The following CCDC7 variants were observed in gnomAD, a reference collection of about 807,000 sequenced individuals.
CCDC7 encodes coiled-coil domain containing 7, also known as coiled-coil domain-containing protein 7.
In CCDC7, 183 loss-of-function variants were observed where a neutral mutation model predicts 196.9. The ratio of observed to expected loss-of-function variants is 0.93; its 90% CI spans 0.82 to 1.05. The LOEUF is 1.05. Ranked by LOEUF, CCDC7 falls within the 50% of genes least tolerant of loss-of-function variation. CCDC7 has a pLI of 0.00. For synonymous variants in CCDC7, 525 were observed against 484.6 expected (o/e 1.08, Z -1.10); for missense variants, 1,540 against 1,482.2 (o/e 1.04, Z -0.64).
intron 9 of CCDC7, among the ~76,000 whole-genome samples, chr10:32,500,190 GC>G (rs985574905): frequency 7.3e-5 from 11 of 151,210 alleles, no homozygotes; most frequent in African/African-American, 2.4e-4. Context: ...GGGCAGAGGC[GC>G]CCCCCACCTC....
intron 28 of CCDC7, among the ~76,000 whole-genome samples, chr10:32,766,800 T>A (rs1428239277): frequency 6.6e-6 from 1 of 152,040 alleles, no homozygotes; most frequent in African/African-American, 2.4e-5. Context: ...AAATATATGA[T>A]GTGGCCAAAT....
At chr10:32,551,636 T>C (rs1350773636) in intron 13 of CCDC7, among the ~76,000 whole-genome samples, 1 of 152,158 alleles carries the variant, frequency 6.6e-6, no homozygotes, top group Admixed American at 6.5e-5. Flanking sequence ...TAAATTTCCA[T>C]CTTGATTTTG....
chr10:32,806,584 T>TAA (rs1407781131), intron 30 of CCDC7, among the ~76,000 whole-genome samples: 1 of 152,162 alleles, frequency 6.6e-6, no homozygotes, highest in Non-Finnish European at 1.5e-5. Flanking sequence ...ATTACAGTGT[T>TAA]AAAAAGTACA....
chr10:32,807,217 T>A (rs2086023283), intron 30 of CCDC7, among the ~76,000 whole-genome samples: 1 of 152,198 alleles, frequency 6.6e-6, no homozygotes, highest in African/African-American at 2.4e-5. Flanking sequence ...TGAAAGACCA[T>A]ATAAATATAC....
At chr10:32,758,775 G>T (rs575005554) in intron 28 of CCDC7, among the ~76,000 whole-genome samples, 1 of 152,148 alleles carries the variant, frequency 6.6e-6, no homozygotes, top group South Asian at 2.1e-4. Context: ...GGAAATAAAG[G>T]GTATTCAATT....
intron 21 of CCDC7, among the ~76,000 whole-genome samples, 151 bp downstream of exon 22, chr10:32,664,312 G>A (rs2072171741): frequency 6.6e-6 from 1 of 151,924 alleles, no homozygotes; most frequent in Non-Finnish European, 1.5e-5. Flanking sequence ...ATAAATTGTG[G>A]AAAATAAAAT....
At chr10:32,740,831 T>C (rs1194190819) in intron 28 of CCDC7, among the ~76,000 whole-genome samples, 1 of 152,168 alleles carries the variant, frequency 6.6e-6, no homozygotes, top group Non-Finnish European at 1.5e-5. Context: ...CTCACATTTA[T>C]TGTTTCTTTT....
chr10:32,870,080 T>A (rs888421085), intron 41 of CCDC7, among the ~76,000 whole-genome samples: 4 of 152,148 alleles, frequency 2.6e-5, no homozygotes, highest in African/African-American at 9.7e-5. Context: ...CAATGCGGGC[T>A]CTTTTTTGGT....
At chr10:32,468,750 C>T (rs199659579) in intron 5 of CCDC7, among the ~76,000 whole-genome samples, 1 of 151,968 alleles carries the variant, frequency 6.6e-6, no homozygotes, top group Non-Finnish European at 1.5e-5. Flanking sequence ...TTGTGAGTCT[C>T]TGAGTTAGGA....
chr10:32,507,088 G>A (rs2045303988), intron 9 of CCDC7, among the ~76,000 whole-genome samples: 1 of 152,046 alleles, frequency 6.6e-6, no homozygotes, highest in Non-Finnish European at 1.5e-5. Context: ...TGCCTCCCGG[G>A]TTCAAGTGAT....
At chr10:32,583,250 A>G in exon 17 of CCDC7, 1 of 1,231,538 alleles carries the variant, frequency 8.1e-7, no homozygotes, top group Non-Finnish European at 1.0e-6. Flanking sequence ...TGGCTCAAAA[A>G]AACGAAACAG....
Position 32,689,162 on chromosome 10 carries a change from TAGTA to T in CCDC7, c.2344+4_2344+7del. 6.6e-7 allele frequency: 1 copy of T among 1,523,146 alleles called. No homozygotes were observed. The highest frequency in any genetic ancestry group is 9.1e-7 in the Non-Finnish European group (1 of 1,104,096). The allele number at this position is 1,523,146 out of a possible 1,614,324, so 94.4% of individuals were successfully genotyped here. A position where few individuals can be genotyped will look rare whatever the true frequency, so the allele number is the denominator to read the frequency against. The stretch of plus-strand genomic sequence containing the variant: ...GAACTCTCAAAGGGCAAAGAATTAT[TAGTA>T]AGTATAAAAAGTAAAGATAACTTTA... On this transcript the variant is annotated splice_donor_variant and splice_donor_region_variant and coding_sequence_variant and intron_variant, in exon 23 of 42. Coordinates refer to ENST00000639629, the Ensembl canonical transcript of CCDC7. LOFTEE classifies it high-confidence loss of function.
In CCDC7 at chr10:32,496,746, G is replaced by T. The variant is rs184979796; in HGVS notation, c.872+4749G>T. ...TTGCATCCCAGGAATGAAGCCCACTGGATCATGGTGGACAAGCTTTTTGAT... is the reference window on the plus strand; with the variant it reads ...TTGCATCCCAGGAATGAAGCCCACTTGATCATGGTGGACAAGCTTTTTGAT... On this transcript the variant is annotated intron_variant, in intron 9 of 41. Coordinates refer to ENST00000639629, the Ensembl canonical transcript of CCDC7. Among the ~76,000 whole-genome samples the T allele has an allele frequency of 7.3e-3, 1,106 of 152,166 alleles. 14 individuals are homozygous for T. The highest frequency in any genetic ancestry group is 0.025 in the African/African-American group (1,052 of 41,524).
intron 33 of CCDC7, among the ~76,000 whole-genome samples, chr10:32,843,830 T>C (rs184171949): frequency 5.6e-4 from 85 of 152,122 alleles, no homozygotes; most frequent in Non-Finnish European, 8.7e-4. Context: ...ATAGATGTGC[T>C]TATGTTCACA....
At chr10:32,706,211 G>T (rs1266158744) in intron 24 of CCDC7, among the ~76,000 whole-genome samples, 2 of 152,084 alleles carry the variant, frequency 1.3e-5, no homozygotes, top group Non-Finnish European at 2.9e-5. Context: ...ACCTGCTCCT[G>T]AATGACTACT....
intron 28 of CCDC7, among the ~76,000 whole-genome samples, chr10:32,776,205 G>A (rs572447637): frequency 3.1e-4 from 47 of 149,390 alleles, no homozygotes; most frequent in African/African-American, 1.0e-3. Context: ...TGGGTGCAGC[G>A]CACCAGCATG....
chr10:32,837,769 T>A (rs2092717195), intron 33 of CCDC7, among the ~76,000 whole-genome samples: 1 of 152,072 alleles, frequency 6.6e-6, no homozygotes, highest in South Asian at 2.1e-4. Flanking sequence ...GCTAATGTCC[T>A]TTGTAGGGAC....
At chr10:32,540,057 CTTTG>C (rs56366636) in intron 11 of CCDC7, among the ~76,000 whole-genome samples, 12,505 of 151,912 alleles carry the variant, frequency 0.082, 544 homozygotes, top group East Asian at 0.16. Context: ...TGCTGAATAT[CTTTG>C]TTTATTTTCT....
chr10:32,715,214 C>G (rs2081393747), intron 25 of CCDC7, among the ~76,000 whole-genome samples: 1 of 152,088 alleles, frequency 6.6e-6, no homozygotes, highest in African/African-American at 2.4e-5. Flanking sequence ...AGGCAGCAAT[C>G]TTTACTGTTC....
Sources: allele counts gnomAD v4.1 joint callset (sites outside exome capture counted in the v4.1 genomes callset), GRCh38; gene constraint gnomAD v4.1.1; transcripts MANE v1.5; gene names NCBI Gene and HGNC (gene_info 2026-07-23, HGNC 2026-07-21).